Variants in ATG7 observed in about 807,000 individuals in gnomAD.
ATG7 encodes ubiquitin-like modifier-activating enzyme ATG7.
ATG7 carries 70 observed loss-of-function variants against 82.4 expected under a neutral mutation model. The ratio of observed to expected loss-of-function variants is 0.85; its 90% CI spans 0.70 to 1.04. The LOEUF (loss-of-function observed/expected upper bound fraction) is 1.04, where lower values mean the gene tolerates loss of function less well. ATG7 is among the 50% of genes least tolerant of loss of function. The pLI, the probability that ATG7 is intolerant of heterozygous loss-of-function variation, is 0.00. For missense variants in ATG7, 792 were observed against 864.3 expected (o/e 0.92, Z 1.05); for synonymous variants, 287 against 313.0 (o/e 0.92, Z 0.88).
At chr3:11,481,246 A>G (rs894178577) in intron 20 of ATG7, among the ~76,000 whole-genome samples, 1 of 152,248 alleles carries the variant, frequency 6.6e-6, no homozygotes, top group Admixed American at 6.5e-5. Context: ...GATGGTGGTG[A>G]CGGTTGCACA....
chr3:11,440,411 G>A (rs1482399254), intron 20 of ATG7, among the ~76,000 whole-genome samples: 59 of 131,746 alleles, frequency 4.5e-4, no homozygotes, highest in South Asian at 1.5e-3. Context: ...TGCAAGCTCC[G>A]CCTCCCGGGT....
the ATG7 span, among the ~76,000 whole-genome samples, chr3:11,573,155 GA>G: frequency 0.013 from 2,033 of 151,212 alleles, 54 homozygotes; most frequent in African/African-American, 0.046. Context: ...GACAGGGCAA[GA>G]CTCCGTCTCA....
intron 20 of ATG7, among the ~76,000 whole-genome samples, chr3:11,450,925 TG>T (rs2085058122): frequency 1.3e-5 from 2 of 152,316 alleles, no homozygotes; most frequent in South Asian, 4.1e-4. Flanking sequence ...GTGTATTAGT[TG>T]TTACTAATTT....
chr3:11,413,861 T>G (rs1378294203), intron 19 of ATG7, among the ~76,000 whole-genome samples: 1 of 152,142 alleles, frequency 6.6e-6, no homozygotes, highest in Non-Finnish European at 1.5e-5. Context: ...GTGCAGGGCT[T>G]TTGTTTGCCA....
intron 16 of ATG7, among the ~76,000 whole-genome samples, chr3:11,361,128 T>A (rs1352670850): frequency 6.6e-6 from 1 of 152,176 alleles, no homozygotes; most frequent in Non-Finnish European, 1.5e-5. Flanking sequence ...AAAGACCAGA[T>A]TCCATCAATG....
intron 6 of ATG7, 114 bp downstream of exon 6, chr3:11,307,174 A>G: frequency 1.1e-6 from 1 of 940,280 alleles, no homozygotes; most frequent in Non-Finnish European, 1.7e-6. Flanking sequence ...AGGGAACTTA[A>G]AGACACTTGT....
At chr3:11,534,042 G>A (rs1043432195) in intron 20 of ATG7, among the ~76,000 whole-genome samples, 1 of 152,204 alleles carries the variant, frequency 6.6e-6, no homozygotes, top group Non-Finnish European at 1.5e-5. Flanking sequence ...CACTGTCAGA[G>A]TTGGAAAAGT....
intron 3 of ATG7, among the ~76,000 whole-genome samples, chr3:11,285,631 A>G (rs975728581): frequency 2.6e-5 from 4 of 152,004 alleles, no homozygotes; most frequent in African/African-American, 9.7e-5. Context: ...TGGCCTTCTC[A>G]AGTCAGTAGC....
chr3:11,558,475 A>ATT (rs369629845), downstream of ATG7: 566 of 788,610 alleles, frequency 7.2e-4, no homozygotes, highest in South Asian at 1.3e-3. Context: ...CACCCCCATG[A>ATT]TTTTTTTTTT....
intron 19 of ATG7, among the ~76,000 whole-genome samples, chr3:11,422,034 T>C (rs1458179843): frequency 2.6e-5 from 4 of 152,204 alleles, no homozygotes; most frequent in Admixed American, 2.0e-4. Flanking sequence ...ACCCAGATTT[T>C]GTTGTTTCGG....
intron 18 of ATG7, 104 bp from the exon 19 acceptor site, chr3:11,379,868 G>T: frequency 9.1e-7 from 1 of 1,103,468 alleles, no homozygotes; most frequent in East Asian, 2.4e-5. Context: ...TTTCCGGGCC[G>T]CCATATTAAT....
intron 20 of ATG7, among the ~76,000 whole-genome samples, chr3:11,503,755 CAAAAAAA>C (rs34065629): frequency 1.9e-4 from 15 of 76,966 alleles, no homozygotes; most frequent in Non-Finnish European, 3.2e-4. Flanking sequence ...GACTCTGTCT[CAAAAAAA>C]AAAAAAAAAA....
chr3:11,368,258 AGAAG>A (rs1298260836), intron 18 of ATG7, among the ~76,000 whole-genome samples: 1 of 150,716 alleles, frequency 6.6e-6, no homozygotes, highest in Admixed American at 6.6e-5. Flanking sequence ...AAAAAGAAGA[AGAAG>A]AAGAAGGAAA....
At chr3:11,527,065 GTGTGTGTA>G (rs759946864) in intron 20 of ATG7, among the ~76,000 whole-genome samples, 1,193 of 97,430 alleles carry the variant, frequency 0.012, 17 homozygotes, top group African/African-American at 0.038. Flanking sequence ...GTGTGTGTGT[GTGTGTGTA>G]TATATATATA....
intron 5 of ATG7, among the ~76,000 whole-genome samples, chr3:11,300,299 G>A (rs1310718982): frequency 6.6e-6 from 1 of 151,978 alleles, no homozygotes; most frequent in African/African-American, 2.4e-5. Flanking sequence ...CTCGCCAGGT[G>A]TGATTTTTCT....
intron 19 of ATG7, among the ~76,000 whole-genome samples, chr3:11,406,096 C>T (rs926276530): frequency 3.3e-5 from 5 of 151,566 alleles, no homozygotes; most frequent in Admixed American, 3.3e-4. Context: ...CTCAAGCGAT[C>T]CTCTCACCTC....
intron 18 of ATG7, among the ~76,000 whole-genome samples, chr3:11,375,250 T>C (rs1297413482): frequency 6.6e-6 from 1 of 152,114 alleles, no homozygotes; most frequent in Non-Finnish European, 1.5e-5. Flanking sequence ...GGAGAATATA[T>C]TTGCAGATGA....
rs1156772747 is a variant in ATG7 at position 11,382,285 on chromosome 3, T to TAG, written c.1956+2244_1956+2245dup. Among the ~76,000 whole-genome samples, 22 of 152,118 alleles carry TAG rather than the reference T, an allele frequency of 1.4e-4. 1 individual carries two copies. The highest frequency in any genetic ancestry group is 3.6e-4 in the African/African-American group (15 of 41,520). On this transcript the variant is annotated intron_variant, in intron 19 of 20. Coordinates refer to ENST00000693202, the MANE Select transcript of ATG7 (RefSeq NM_001349232.2). ...GCAATACATTATATACACATATATA[T>TAG]AGAGAGAGAGAGTGCGAGCACGCAC...
At chr3:11,539,222 C>G (rs1462283031) in intron 20 of ATG7, among the ~76,000 whole-genome samples, 1 of 152,148 alleles carries the variant, frequency 6.6e-6, no homozygotes, top group Admixed American at 6.6e-5. Flanking sequence ...ATTTCATGGT[C>G]ACAACAGCCC....
Sources: gnomAD v4.1 joint callset for allele counts (sites outside exome capture counted in the v4.1 genomes callset) on GRCh38, gnomAD v4.1.1 for gene constraint, MANE v1.5 for transcripts, NCBI Gene and HGNC (gene_info 2026-07-23, HGNC 2026-07-21) for gene names.